The following IGF2BP1 variants were observed in gnomAD, a reference collection of about 807,000 sequenced individuals.
The protein encoded by IGF2BP1 is insulin-like growth factor 2 mRNA-binding protein 1.
Under a neutral mutation model 74.9 loss-of-function variants are expected in IGF2BP1, and 11 were observed. The ratio of observed to expected loss-of-function variants is 0.15; its 90% CI spans 0.09 to 0.24. The LOEUF (loss-of-function observed/expected upper bound fraction) is 0.24. Ranked by LOEUF, IGF2BP1 falls within the 10% of genes least tolerant of loss-of-function variation. The pLI is 1.00. For missense variants in IGF2BP1, 440 were observed against 757.4 expected (o/e 0.58, Z 4.92); for synonymous variants, 287 against 281.8 (o/e 1.02, Z -0.18).
chr17:49,028,392 A>T (rs570162717), intron 4 of IGF2BP1, among the ~76,000 whole-genome samples: 1 of 152,332 alleles, frequency 6.6e-6, no homozygotes, highest in African/African-American at 2.4e-5. Context: ...CGCAAGAGTA[A>T]ACTGCTGAAT....
intron 4 of IGF2BP1, among the ~76,000 whole-genome samples, chr17:49,027,627 C>G (rs1292231898): frequency 6.6e-6 from 1 of 151,560 alleles, no homozygotes; most frequent in Admixed American, 6.6e-5. Flanking sequence ...CCGAGGCAGG[C>G]GGATCACGAG....
intron 2 of IGF2BP1, among the ~76,000 whole-genome samples, chr17:49,008,546 G>C (rs2041578747): frequency 6.6e-6 from 1 of 152,166 alleles, no homozygotes; most frequent in Non-Finnish European, 1.5e-5. Context: ...TAATATTTCT[G>C]TGAGATAATC....
intron 7 of IGF2BP1, among the ~76,000 whole-genome samples, chr17:49,040,841 T>C (rs1444095327): frequency 1.3e-5 from 2 of 152,260 alleles, no homozygotes; most frequent in Admixed American, 6.5e-5. Context: ...TTTAAACTTT[T>C]CCTTATCAGA....
chr17:49,023,312 T>C (rs902990280), intron 2 of IGF2BP1, among the ~76,000 whole-genome samples: 1 of 152,218 alleles, frequency 6.6e-6, no homozygotes, highest in Non-Finnish European at 1.5e-5. Context: ...AAGACAGAGA[T>C]TCTCTTCAAT....
intron 2 of IGF2BP1, among the ~76,000 whole-genome samples, chr17:49,001,220 A>G (rs572958180): frequency 6.6e-6 from 1 of 152,322 alleles, no homozygotes; most frequent in East Asian, 1.9e-4. Flanking sequence ...TGTGTCTGAA[A>G]AGTATTTCGT....
Position 49,055,276 on chromosome 17 carries a change from T to C in IGF2BP1, c.*5832T>C, listed in dbSNP as rs1262536266. ...TTCACTCTTTGGCGATTTTCTTCAC[T>C]TGTTTAAGATAACGTGCTAGCTATT... On this transcript the variant is annotated 3_prime_UTR_variant, in exon 15 of 15. Coordinates refer to ENST00000290341, the MANE Select transcript of IGF2BP1 (RefSeq NM_006546.4). 6 of 192,616 alleles carry C rather than the reference T, an allele frequency of 3.1e-5. No individual in the cohort carries two copies. Among genetic ancestry groups the C allele is most frequent in the Non-Finnish European group, 6.3e-5 (6 of 94,744 alleles). 11.9% of individuals were successfully genotyped at this position (192,616 alleles called of 1,614,324 possible).
intron 5 of IGF2BP1, chr17:49,037,128 G>A (rs1170574689): frequency 7.4e-6 from 3 of 402,736 alleles, no homozygotes; most frequent in Non-Finnish European, 1.4e-5. Flanking sequence ...GACGCTGCAA[G>A]TTTTGAAGCA....
At chr17:49,018,198 C>T (rs2041732629) in intron 2 of IGF2BP1, 1 of 152,128 alleles carries the variant, frequency 6.6e-6, no homozygotes, top group African/African-American at 2.4e-5. Context: ...TAGTAGCTGT[C>T]AAGATAACAA....
At position 48,998,280 on chromosome 17, in the gene IGF2BP1, T is replaced by A. The variant is rs1285823147; in HGVS notation, c.175+360T>A. Among the ~76,000 whole-genome samples the A allele has an allele frequency of 5.3e-5, 8 of 151,950 alleles. No homozygotes were observed. In the East Asian group the frequency reaches 1.6e-3, roughly 30 times the overall value. On this transcript the variant is annotated intron_variant, in intron 1 of 14. Coordinates refer to ENST00000290341, the MANE Select transcript of IGF2BP1 (RefSeq NM_006546.4). ...GGGCGTTATTTCCACGCCCAGCCCC[T>A]CCCTATCCGCCGGTGGACGCCCCCC... is the stretch of plus-strand genomic sequence containing the variant.
upstream of IGF2BP1, chr17:48,997,375 T>TG (rs1428526553): frequency 3.1e-5 from 5 of 163,234 alleles, no homozygotes; most frequent in Non-Finnish European, 6.6e-5. The surrounding 1 kb of genome is among the most constrained non-coding windows in gnomAD (Gnocchi z 4.8). Context: ...TTTTTTTTTT[T>TG]TTTTTTTTCC....
intron 5 of IGF2BP1, among the ~76,000 whole-genome samples, chr17:49,032,684 A>G (rs138258734): frequency 1.3e-5 from 2 of 152,228 alleles, no homozygotes; most frequent in Non-Finnish European, 2.9e-5. Flanking sequence ...CTCTTCTTCA[A>G]ATACCTACCA....
chr17:49,002,597 C>T (rs573914256), intron 2 of IGF2BP1, among the ~76,000 whole-genome samples: 15 of 151,146 alleles, frequency 9.9e-5, no homozygotes, highest in South Asian at 4.2e-4. Flanking sequence ...TTAACTCATA[C>T]GAGGTAAAAG....
intron 2 of IGF2BP1, among the ~76,000 whole-genome samples, chr17:49,017,005 G>A (rs1351247089): frequency 1.4e-5 from 2 of 147,356 alleles, no homozygotes; most frequent in Admixed American, 1.4e-4. Context: ...TTTTTTCACC[G>A]CCTCTCCACC....
At chr17:49,030,057 A>C (rs2041904898) in intron 4 of IGF2BP1, among the ~76,000 whole-genome samples, 1 of 152,078 alleles carries the variant, frequency 6.6e-6, no homozygotes, top group African/African-American at 2.4e-5. Context: ...CCAAGACAGG[A>C]AATCCTTTCC....
intron 2 of IGF2BP1, among the ~76,000 whole-genome samples, chr17:49,022,615 C>T (rs2041806604): frequency 6.6e-6 from 1 of 152,136 alleles, no homozygotes; most frequent in African/African-American, 2.4e-5. Flanking sequence ...CCTCCCCCTC[C>T]CTCTCCTGGA....
intron 6 of IGF2BP1, among the ~76,000 whole-genome samples, chr17:49,039,678 C>T (rs1315253077): frequency 2.0e-5 from 3 of 152,132 alleles, no homozygotes; most frequent in African/African-American, 7.2e-5. Flanking sequence ...CCACCCGCCT[C>T]GGCCTCCAAA....
At chr17:49,019,996 A>C (rs1376961914) in intron 2 of IGF2BP1, among the ~76,000 whole-genome samples, 2 of 90,306 alleles carry the variant, frequency 2.2e-5, no homozygotes, top group Admixed American at 2.3e-4. Flanking sequence ...ACATATATAT[A>C]CACACACACA....
chr17:49,039,598 T>C lies in IGF2BP1; in HGVS notation c.684-359T>C, dbSNP rs530566234. Among the ~76,000 whole-genome samples, 24 of 152,190 alleles carry C rather than the reference T, an allele frequency of 1.6e-4. No homozygotes were observed. The East Asian group carries it at 4.4e-3, about 28-fold the overall frequency. ...CACCACCACACCCAGCTAAATTTTT[T>C]GTATTTTTAGTAGAGGCGGGGTTTC... On this transcript the variant is annotated intron_variant, in intron 6 of 14. Coordinates refer to ENST00000290341, the MANE Select transcript of IGF2BP1 (RefSeq NM_006546.4).
intron 2 of IGF2BP1, among the ~76,000 whole-genome samples, chr17:49,024,615 T>C (rs2041830300): frequency 6.6e-6 from 1 of 152,140 alleles, no homozygotes; most frequent in African/African-American, 2.4e-5. Context: ...AAAGGTATTA[T>C]CTCTGTTTTA....
Sources: gnomAD v4.1 joint callset for allele counts (sites outside exome capture counted in the v4.1 genomes callset) on GRCh38, gnomAD v4.1.1 for gene constraint, Gnocchi (gnomAD v3.1) non-coding constraint, MANE v1.5 for transcripts, NCBI Gene and HGNC (gene_info 2026-07-23, HGNC 2026-07-21) for gene names.